Variants in EFHC2 observed in about 807,000 individuals in gnomAD.
EFHC2 encodes EF-hand domain-containing family member C2.
In EFHC2, 18 loss-of-function variants were observed where a neutral mutation model predicts 52.7. The ratio of observed to expected loss-of-function variants is 0.34; its 90% CI spans 0.24 to 0.51. EFHC2 has a LOEUF of 0.51. Among genes scored for constraint, EFHC2 ranks in the 20% least tolerant of loss-of-function variants. The pLI, the probability that EFHC2 is intolerant of heterozygous loss-of-function variation, is 0.97. For synonymous variants in EFHC2, 203 were observed against 204.1 expected (o/e 0.99, Z 0.04); for missense variants, 513 against 562.5 (o/e 0.91, Z 0.89).
rs757382371 is a variant in EFHC2 at position 44,272,663 on chromosome X, A to G, written c.382+23T>C. The G allele has an allele frequency of 6.0e-6, 7 of 1,160,116 alleles. No homozygotes were observed. The East Asian group carries it at 1.9e-4, about 32-fold the overall frequency. ...GGCAGGAGTCAGAAGTGAAGGAACC[A>G]TAACTCTGCTTTAAATAGATACCTT... is the stretch of plus-strand genomic sequence containing the variant. On this transcript the variant is annotated intron_variant, in intron 3 of 14. Coordinates refer to ENST00000420999, the MANE Select transcript of EFHC2 (RefSeq NM_025184.4).
chrX:44,212,092 T>C (rs914459582), intron 11 of EFHC2, among the ~76,000 whole-genome samples: 1 of 109,423 alleles, frequency 9.1e-6, no homozygotes, highest in African/African-American at 3.3e-5. Flanking sequence ...TGGATATGCC[T>C]GAGGGATAAA....
intron 11 of EFHC2, among the ~76,000 whole-genome samples, chrX:44,178,799 CAG>C (rs1416233225): frequency 1.8e-5 from 2 of 111,898 alleles, no homozygotes; most frequent in Non-Finnish European, 1.9e-5. Flanking sequence ...GCATTTTGCC[CAG>C]AGTTAAACAC....
intron 2 of EFHC2, among the ~76,000 whole-genome samples, chrX:44,291,889 C>T (rs2037794312): frequency 8.9e-6 from 1 of 112,071 alleles, no homozygotes; most frequent in African/African-American, 3.2e-5. Flanking sequence ...TCTTCACATC[C>T]TTATGGAGTC....
At chrX:44,216,326 T>A (rs761371055) in intron 11 of EFHC2, among the ~76,000 whole-genome samples, 1 of 112,134 alleles carries the variant, frequency 8.9e-6, no homozygotes, top group East Asian at 2.8e-4. Flanking sequence ...GGCCATTAGC[T>A]GAGATATCAG....
chrX:44,307,128 T>G (rs2037911550), intron 2 of EFHC2, among the ~76,000 whole-genome samples: 1 of 111,009 alleles, frequency 9.0e-6, no homozygotes, highest in Non-Finnish European at 1.9e-5. Context: ...GGGTTACAGG[T>G]GTGAGCTGTT....
intron 3 of EFHC2, 27 bp downstream of exon 3, chrX:44,272,659 A>G: frequency 8.6e-7 from 1 of 1,159,365 alleles, no homozygotes; most frequent in South Asian, 2.0e-5. Flanking sequence ...GAAGTGAAGG[A>G]ACCATAACTC....
chrX:44,293,732 C>G (rs1304896144), intron 2 of EFHC2, among the ~76,000 whole-genome samples: 3 of 111,293 alleles, frequency 2.7e-5, no homozygotes, highest in Non-Finnish European at 3.8e-5. Context: ...TTCTTCAGGT[C>G]ATATATAGTG....
At chrX:44,326,717 ATTTTTTTTT>A (rs773265380) in intron 1 of EFHC2, among the ~76,000 whole-genome samples, 4 of 45,046 alleles carry the variant, frequency 8.9e-5, no homozygotes, top group African/African-American at 3.7e-4. Flanking sequence ...ATGGAGTCTG[ATTTTTTTTT>A]TTTTTTTTTT....
At chrX:44,291,736 C>T (rs747826244) in intron 2 of EFHC2, among the ~76,000 whole-genome samples, 2 of 111,894 alleles carry the variant, frequency 1.8e-5, no homozygotes, top group Non-Finnish European at 3.8e-5. Flanking sequence ...AACCACAGCA[C>T]TATTTAAAGA....
chrX:44,306,413 C>A (rs1337094217), intron 2 of EFHC2, among the ~76,000 whole-genome samples: 1 of 111,149 alleles, frequency 9.0e-6, no homozygotes, highest in Non-Finnish European at 1.9e-5. Flanking sequence ...AAAATAGTAA[C>A]TCTCCCACGA....
chrX:44,221,273 A>C, intron 11 of EFHC2, among the ~76,000 whole-genome samples: 2 of 111,451 alleles, frequency 1.8e-5, no homozygotes, highest in Admixed American at 1.9e-4. Flanking sequence ...GAGAGAGATA[A>C]AATTCTTCTG....
At chrX:44,185,023 T>C (rs2036863590) in intron 11 of EFHC2, among the ~76,000 whole-genome samples, 1 of 111,821 alleles carries the variant, frequency 8.9e-6, no homozygotes, top group Non-Finnish European at 1.9e-5. Context: ...AGGATTAAGT[T>C]AGCAAGATAT....
At chrX:44,238,312 G>A (rs1481940637) in intron 8 of EFHC2, among the ~76,000 whole-genome samples, 2 of 110,819 alleles carry the variant, frequency 1.8e-5, no homozygotes, top group Non-Finnish European at 3.8e-5. Flanking sequence ...CACTTCCACT[G>A]CGCTCACCCA....
chrX:44,233,423 C>T (rs937275582), intron 9 of EFHC2, among the ~76,000 whole-genome samples: 2 of 112,019 alleles, frequency 1.8e-5, no homozygotes, highest in Non-Finnish European at 3.8e-5. Flanking sequence ...GTCATCATTT[C>T]ATCTGTTCTC....
rs190992850 is a variant in EFHC2 at position 44,313,651 on chromosome X, G to A, written c.43-895C>T. Among the ~76,000 whole-genome samples, 447 of 111,509 alleles carry A rather than the reference G, an allele frequency of 4.0e-3. 2 individuals are homozygous for A. Among genetic ancestry groups the A allele is most frequent in the Non-Finnish European group, 4.8e-3 (254 of 53,109 alleles). ...ATTAATACAGAGTCTAATATTACAC[G>A]TATCAATATAGACAAATCTAGGCCA... is the stretch of plus-strand genomic sequence containing the variant. On this transcript the variant is annotated intron_variant, in intron 1 of 14. Transcript: ENST00000420999.
chrX:44,234,098 T>G (rs1438269258), intron 9 of EFHC2, among the ~76,000 whole-genome samples: 1 of 111,689 alleles, frequency 9.0e-6, no homozygotes, highest in African/African-American at 3.3e-5. Context: ...TCACCAGCAT[T>G]CCCCCTATTA....
intron 4 of EFHC2, among the ~76,000 whole-genome samples, chrX:44,256,170 T>G (rs529982116): frequency 1.6e-4 from 18 of 112,007 alleles, no homozygotes; most frequent in African/African-American, 5.5e-4. Flanking sequence ...AAGCACTAAA[T>G]GCCCACAGGA....
At chrX:44,301,717 G>T (rs2037870398) in intron 2 of EFHC2, among the ~76,000 whole-genome samples, 1 of 111,534 alleles carries the variant, frequency 9.0e-6, no homozygotes, top group African/African-American at 3.3e-5. Flanking sequence ...CTGCTGATCT[G>T]CTTTTTCCTA....
At chrX:44,232,116 G>A (rs2037282655) in intron 10 of EFHC2, among the ~76,000 whole-genome samples, 1 of 112,556 alleles carries the variant, frequency 8.9e-6, no homozygotes, top group South Asian at 3.6e-4. Flanking sequence ...TAACTGGGAC[G>A]GCACAGTGTG....
Sources: gnomAD v4.1 joint callset for allele counts (sites outside exome capture counted in the v4.1 genomes callset) on GRCh38, gnomAD v4.1.1 for gene constraint, MANE v1.5 for transcripts, NCBI Gene and HGNC (gene_info 2026-07-23, HGNC 2026-07-21) for gene names.